Variants in PRKD3 observed in about 807,000 individuals in gnomAD.
The protein encoded by PRKD3 is protein kinase D3.
PRKD3 carries 47 observed loss-of-function variants against 99.2 expected under a neutral mutation model. That is an observed-to-expected ratio of 0.47 (90% CI 0.38 to 0.60). The LOEUF (loss-of-function observed/expected upper bound fraction) is 0.60. PRKD3 is among the 20% of genes least tolerant of loss of function. PRKD3 has a pLI of 0.00. For synonymous variants in PRKD3, 392 were observed against 355.4 expected (o/e 1.10, Z -1.16); for missense variants, 1,019 against 1,088.4 (o/e 0.94, Z 0.90).
At position 37,253,294 on chromosome 2, in the gene PRKD3, G is replaced by C. The variant is rs1365972864; in HGVS notation, c.2556C>G (p.Tyr852Ter). ...GAGCATCATCACTTTCATGTGTAAT[G>C]TAACGTTCTCCAATGCGAGTTTCAA... is the stretch of plus-strand genomic sequence containing the variant. ...REFETRIGERYITHESDDARW... is the reference protein window; with the variant it reads ...REFETRIGER The change falls in exon 19 of 19, where the codon TAC becomes TAG. Residue 852 changes from tyrosine to a stop codon, truncating the protein, a stop_gained. Coordinates refer to ENST00000234179, the MANE Select transcript of PRKD3 (RefSeq NM_005813.6). LOFTEE classifies it high-confidence loss of function. The C allele has an allele frequency of 6.2e-7, 1 of 1,612,936 alleles. No individual in the cohort carries two copies. The highest frequency in any genetic ancestry group is 8.5e-7 in the Non-Finnish European group (1 of 1,179,224).
At chr2:37,281,084 G>A (rs1185692435) in intron 7 of PRKD3, among the ~76,000 whole-genome samples, 2 of 152,114 alleles carry the variant, frequency 1.3e-5, no homozygotes, top group Non-Finnish European at 2.9e-5. Flanking sequence ...TAGGATGGTT[G>A]TAATCAAAAA....
chr2:37,320,669 T>C (rs1671846604), intron 1 of PRKD3, among the ~76,000 whole-genome samples: 1 of 152,042 alleles, frequency 6.6e-6, no homozygotes, highest in Non-Finnish European at 1.5e-5. Flanking sequence ...TGACCTCAAG[T>C]GATCCGCCCA....
chr2:37,309,377 T>C (rs1013892368), intron 2 of PRKD3, among the ~76,000 whole-genome samples: 6 of 152,194 alleles, frequency 3.9e-5, no homozygotes, highest in Admixed American at 3.9e-4. Context: ...AGTCTAATTC[T>C]TGGGCATGTG....
Position 37,274,607 on chromosome 2 carries a change from T to C in PRKD3, c.1465A>G (p.Ile489Val). 6.2e-7 allele frequency: 1 copy of C among 1,614,152 alleles called. No homozygotes were observed. Among genetic ancestry groups the C allele is most frequent in the Non-Finnish European group, 8.5e-7 (1 of 1,179,970 alleles). ...ACGAAGTATACCATAGTATCAGTAA[T>C]GATTTCAAAACAGTGTGGATTGCTG... is the stretch of plus-strand genomic sequence containing the variant. ...QGSNPHCFEI[I>V]TDTMVYFVGE... The change falls in exon 11 of 19, where the codon ATT becomes GTT. Residue 489 changes from isoleucine (I) to valine (V), a missense_variant. Coordinates refer to ENST00000234179, the MANE Select transcript of PRKD3 (RefSeq NM_005813.6).
intron 17 of PRKD3, among the ~76,000 whole-genome samples, chr2:37,256,393 G>C (rs183597640): frequency 2.6e-5 from 4 of 152,312 alleles, no homozygotes; most frequent in African/African-American, 9.6e-5. Context: ...TAACAGGTAA[G>C]ACAGTTAAAA....
At chr2:37,319,548 C>T (rs1463553490) in intron 1 of PRKD3, among the ~76,000 whole-genome samples, 2 of 152,080 alleles carry the variant, frequency 1.3e-5, no homozygotes, top group Admixed American at 6.6e-5. Context: ...GAAATGCTTA[C>T]TTGTAAGCAG....
intron 6 of PRKD3, 39 bp downstream of exon 6, chr2:37,286,138 C>T: frequency 2.0e-6 from 3 of 1,469,770 alleles, no homozygotes; most frequent in South Asian, 2.7e-5. Flanking sequence ...ATAACAAAAA[C>T]AGACATAAAT....
At chr2:37,260,171 A>C in intron 15 of PRKD3, 52 bp downstream of exon 15, 1 of 1,512,164 alleles carries the variant, frequency 6.6e-7, no homozygotes, top group Non-Finnish European at 9.0e-7. Context: ...TCTTAAAAAA[A>C]AAAAAATTAG....
intron 1 of PRKD3, among the ~76,000 whole-genome samples, chr2:37,319,697 C>T (rs934805471): frequency 4.6e-5 from 7 of 151,828 alleles, no homozygotes; most frequent in Admixed American, 2.0e-4. Flanking sequence ...CCTTGTTACT[C>T]AGCCTATATC....
chr2:37,250,785 A>G lies in PRKD3; in HGVS notation c.*2392T>C, dbSNP rs1042400166. The G allele has an allele frequency of 2.6e-5, 4 of 152,608 alleles. No individual in the cohort carries two copies. The highest frequency in any genetic ancestry group is 5.9e-5 in the Non-Finnish European group (4 of 68,030). The allele number at this position is 152,608 out of a possible 1,614,324, so 9.5% of individuals were successfully genotyped here. A position where few individuals can be genotyped will look rare whatever the true frequency, so the allele number is the denominator to read the frequency against. ...AGTTGGATATAACCAAAAAAATATT[A>G]AAAATGTACTGAACAGTCATTATAG... On this transcript the variant is annotated 3_prime_UTR_variant, in exon 19 of 19. Coordinates refer to ENST00000234179, the MANE Select transcript of PRKD3 (RefSeq NM_005813.6).
At chr2:37,287,288 A>AAAAGAAAAAGAG in intron 5 of PRKD3, among the ~76,000 whole-genome samples, 1 of 148,674 alleles carries the variant, frequency 6.7e-6, no homozygotes, top group East Asian at 1.9e-4. Context: ...AAGAAAAAGA[A>AAAAGAAAAAGAG]AAATACCTGC....
chr2:37,253,258 T>G lies in PRKD3; in HGVS notation c.2592A>C (p.Ile864=). The part of the protein sequence containing the change: ...THESDDARWE[I]HAYTHNLVYP... ...ATACAAGGTTATGTGTGTATGCATG[T>G]ATTTCCCAGCGAGCATCATCACTTT... The change falls in exon 19 of 19, where the codon ATA becomes ATC. Residue 864 remains isoleucine, a synonymous_variant. Coordinates refer to ENST00000234179, the MANE Select transcript of PRKD3 (RefSeq NM_005813.6). The G allele has an allele frequency of 6.2e-7, 1 of 1,612,934 alleles. No individual in the cohort carries two copies. Among genetic ancestry groups the G allele is most frequent in the Non-Finnish European group, 8.5e-7 (1 of 1,178,990 alleles).
At chr2:37,307,163 T>C (rs6748019) in intron 2 of PRKD3, among the ~76,000 whole-genome samples, 10,323 of 152,252 alleles carry the variant, frequency 0.068, 386 homozygotes, top group Middle Eastern at 0.088. Flanking sequence ...TGCCAAATGT[T>C]CCCAGGGGGT....
At chr2:37,313,693 A>C (rs977572775) in intron 2 of PRKD3, among the ~76,000 whole-genome samples, 7 of 152,202 alleles carry the variant, frequency 4.6e-5, no homozygotes, top group African/African-American at 1.4e-4. Flanking sequence ...GATTAACACC[A>C]AGTATTAGTC....
chr2:37,256,687 A>G lies in PRKD3; in HGVS notation c.2388T>C (p.Asn796=). The part of the protein sequence containing the change: ...IQNAAFMYPP[N]PWREISGEAI... ...CTTCACCAGAAATTTCTCTCCATGG[A>G]TTTGGTGGGTACATAAATGCAGCAT... Residue 796 remains asparagine (N), a synonymous_variant, in exon 17 of 19, where the codon AAT becomes AAC. Coordinates refer to ENST00000234179, the MANE Select transcript of PRKD3 (RefSeq NM_005813.6). 1 of 961,446 alleles carries G rather than the reference A, an allele frequency of 1.0e-6. No homozygotes were observed. The highest frequency in any genetic ancestry group is 1.5e-5 in the South Asian group (1 of 67,948). The allele number at this position is 961,446 out of a possible 1,614,324, so 59.6% of individuals were successfully genotyped here.
intron 8 of PRKD3, chr2:37,278,535 A>G (rs528443081): frequency 6.6e-6 from 1 of 152,436 alleles, no homozygotes; most frequent in South Asian, 2.1e-4. Context: ...GCACTGAAAC[A>G]TGGCTCAATA....
At chr2:37,310,577 G>A (rs1302558229) in intron 2 of PRKD3, among the ~76,000 whole-genome samples, 1 of 152,102 alleles carries the variant, frequency 6.6e-6, no homozygotes, top group Non-Finnish European at 1.5e-5. Context: ...CACCTACTGT[G>A]GCCATGATAT....
chr2:37,289,520 A>G lies in PRKD3; in HGVS notation c.560-7T>C, dbSNP rs140459696. The G allele has an allele frequency of 3.7e-4, 591 of 1,600,402 alleles. 7 individuals carry two copies. In the African/African-American group the frequency reaches 6.7e-3, roughly 18 times the overall value. On this transcript the variant is annotated splice_region_variant and splice_polypyrimidine_tract_variant and intron_variant, in intron 4 of 18. Coordinates refer to ENST00000234179, the MANE Select transcript of PRKD3 (RefSeq NM_005813.6). ...TGGTAATTTAATCCACAGCCTAAAC[A>G]TATTTTACAAGGTAAAATATAAGAT...
At chr2:37,273,823 T>C (rs749783938) in intron 11 of PRKD3, among the ~76,000 whole-genome samples, 1 of 152,250 alleles carries the variant, frequency 6.6e-6, no homozygotes, top group Non-Finnish European at 1.5e-5. Context: ...GACCTTTCGA[T>C]TGTTAACTGT....
Sources: gnomAD v4.1 joint callset for allele counts (sites outside exome capture counted in the v4.1 genomes callset) on GRCh38, gnomAD v4.1.1 for gene constraint, MANE v1.5 for transcripts, NCBI Gene and HGNC (gene_info 2026-07-23, HGNC 2026-07-21) for gene names.